ADAM18: variants seen among roughly 807,000 people sequenced by gnomAD.
ADAM18 encodes the protein ADAM metallopeptidase domain 18.
In ADAM18, 117 loss-of-function variants were observed where a neutral mutation model predicts 94.4. The ratio of observed to expected loss-of-function variants is 1.24; its 90% CI spans 1.07 to 1.45. The LOEUF is 1.45. ADAM18 is among the 40% of genes most tolerant of loss of function. The probability of loss-of-function intolerance (pLI) is 0.00; values close to 1 mark genes in which losing one functional copy is unlikely to be tolerated. For missense variants in ADAM18, 936 were observed against 880.0 expected (o/e 1.06, Z -0.81); for synonymous variants, 327 against 291.6 (o/e 1.12, Z -1.24).
chr8:39,681,813 A>G (rs1821468306), intron 16 of ADAM18, among the ~76,000 whole-genome samples: 1 of 152,194 alleles, frequency 6.6e-6, no homozygotes, highest in South Asian at 2.1e-4. Flanking sequence ...AAAGCTTAGC[A>G]TATTGTCTTC....
At chr8:39,615,853 A>G (rs1819423725) in intron 6 of ADAM18, among the ~76,000 whole-genome samples, 1 of 152,222 alleles carries the variant, frequency 6.6e-6, no homozygotes, top group African/African-American at 2.4e-5. Context: ...AAACAACTTC[A>G]GCAAAGTTTC....
chr8:39,600,312 G>T (rs1433836529), intron 2 of ADAM18, among the ~76,000 whole-genome samples: 1 of 152,148 alleles, frequency 6.6e-6, no homozygotes, highest in African/African-American at 2.4e-5. Flanking sequence ...ATATTTAGAA[G>T]TGAGTTATTT....
rs74915414 is a variant in ADAM18, at chr8:39,672,187, A to G, written c.1525+3991A>G. Among the ~76,000 whole-genome samples, 651 of 152,324 alleles carry G rather than the reference A, an allele frequency of 4.3e-3. 7 individuals carry two copies. The highest frequency in any genetic ancestry group is 0.018 in the South Asian group (88 of 4,826). The stretch of plus-strand genomic sequence containing the variant: ...GAATACTGTAATCTATGTACTGTGT[A>G]TTTAAGGCCAAATGATTTGGCCAAA... On this transcript the variant is annotated intron_variant, in intron 14 of 19. Coordinates refer to ENST00000265707, the MANE Select transcript of ADAM18 (RefSeq NM_014237.3).
At chr8:39,705,133 G>A (rs535345769) in intron 17 of ADAM18, among the ~76,000 whole-genome samples, 2 of 152,200 alleles carry the variant, frequency 1.3e-5, no homozygotes, top group East Asian at 3.9e-4. Flanking sequence ...AGTCTTATCA[G>A]GGAAGAGTCT....
In ADAM18 at chr8:39,632,867, C is replaced by G. The variant is rs77592525; in HGVS notation, c.588+3428C>G. Reference sequence around the variant, plus strand: ...TAGGGAAGTTGAGATTTTCTTTAAACTTGTTTTACTTTCTACAAGTTAGAT... The same window carrying G: ...TAGGGAAGTTGAGATTTTCTTTAAAGTTGTTTTACTTTCTACAAGTTAGAT... On this transcript the variant is annotated intron_variant, in intron 7 of 19. Transcript: ENST00000265707. 2.8e-4 allele frequency among the ~76,000 whole-genome samples: 42 copies of G among 152,176 alleles called. No homozygotes were observed. In the East Asian group the frequency reaches 7.5e-3, roughly 27 times the overall value.
At position 39,701,117 on chromosome 8, in the gene ADAM18, C is replaced by CAAAAAAAAAAAA. The variant is rs71237188; in HGVS notation, c.1903-5652_1903-5641dup. On this transcript the variant is annotated intron_variant, in intron 17 of 19. Coordinates refer to ENST00000265707, the MANE Select transcript of ADAM18 (RefSeq NM_014237.3). Reference sequence around the variant, plus strand: ...TGGGCGACAGAGCAAGACTCTGTCTCAAAAAAAAAAAAAAAAAAAAAAAAA... The same window carrying CAAAAAAAAAAAA: ...TGGGCGACAGAGCAAGACTCTGTCTCAAAAAAAAAAAAAAAAAAAAAAAAAAAAAAAAAAAAA... Among the ~76,000 whole-genome samples the CAAAAAAAAAAAA allele has an allele frequency of 2.6e-4, 9 of 34,564 alleles. 2 individuals are homozygous for CAAAAAAAAAAAA. Among genetic ancestry groups the CAAAAAAAAAAAA allele is most frequent in the Admixed American group, 5.8e-4 (1 of 1,728 alleles). The allele number at this position is 34,564 out of a possible 152,430, so 22.7% of individuals were successfully genotyped here.
At chr8:39,661,449 C>T (rs28376739) in intron 12 of ADAM18, among the ~76,000 whole-genome samples, 4,676 of 149,664 alleles carry the variant, frequency 0.031, 259 homozygotes, top group African/African-American at 0.11. Flanking sequence ...GCTGAGATTA[C>T]AGGCGTGAGC....
intron 1 of ADAM18, 138 bp downstream of exon 1, chr8:39,584,815 G>A: frequency 2.9e-6 from 3 of 1,047,572 alleles, no homozygotes; most frequent in Non-Finnish European, 4.3e-6. Context: ...GGTGTGTCAG[G>A]GACACCTTTC....
At chr8:39,654,154 C>CTTTTT (rs1177248372) in intron 12 of ADAM18, among the ~76,000 whole-genome samples, 3 of 139,850 alleles carry the variant, frequency 2.1e-5, no homozygotes, top group Non-Finnish European at 1.5e-5. Context: ...GATTTCATTC[C>CTTTTT]TTTTTTTTTT....
intron 7 of ADAM18, among the ~76,000 whole-genome samples, chr8:39,636,315 C>T (rs1333468112): frequency 1.3e-5 from 2 of 152,080 alleles, no homozygotes; most frequent in African/African-American, 2.4e-5. Context: ...TCTTTATTAA[C>T]CTGATATTTT....
At position 39,664,520 on chromosome 8, in the gene ADAM18, C is replaced by G. The variant is rs1263072560; in HGVS notation, c.1326+630C>G. Among the ~76,000 whole-genome samples, 7 of 152,142 alleles carry G rather than the reference C, an allele frequency of 4.6e-5. No individual in the cohort carries two copies. In the East Asian group the frequency reaches 1.3e-3, roughly 29 times the overall value. ...TTAAAATCACAAAGTTTACCATCTT[C>G]TAAATTATCAGATAAAAGGGAGAAA... On this transcript the variant is annotated intron_variant, in intron 13 of 19. Coordinates refer to ENST00000265707, the MANE Select transcript of ADAM18 (RefSeq NM_014237.3).
intron 2 of ADAM18, among the ~76,000 whole-genome samples, chr8:39,593,121 A>G (rs1189203680): frequency 1.3e-5 from 2 of 151,928 alleles, no homozygotes; most frequent in Admixed American, 1.3e-4. Context: ...CTTTCTTTTC[A>G]TTTTCAGTCT....
intron 9 of ADAM18, among the ~76,000 whole-genome samples, 181 bp from the exon 10 acceptor site, chr8:39,638,284 G>GTATT (rs1404370970): frequency 2.0e-5 from 3 of 151,042 alleles, no homozygotes; most frequent in African/African-American, 7.4e-5. Context: ...AATGATTTTA[G>GTATT]TATTTAGATT....
At chr8:39,690,734 A>T (rs1268297075) in intron 16 of ADAM18, among the ~76,000 whole-genome samples, 4 of 152,168 alleles carry the variant, frequency 2.6e-5, no homozygotes, top group Non-Finnish European at 5.9e-5. Flanking sequence ...GGGTGAAGAG[A>T]AAAGGAAACA....
intron 12 of ADAM18, among the ~76,000 whole-genome samples, chr8:39,654,116 G>T (rs1820618046): frequency 6.7e-6 from 1 of 148,256 alleles, no homozygotes. Flanking sequence ...ATGTCCTCCA[G>T]TTACATCCAT....
chr8:39,606,373 A>T lies in ADAM18; in HGVS notation c.188+11A>T. 6.6e-7 allele frequency: 1 copy of T among 1,512,870 alleles called. No homozygotes were observed. The highest frequency in any genetic ancestry group is 9.0e-7 in the Non-Finnish European group (1 of 1,115,280). 93.7% of individuals were successfully genotyped at this position (1,512,870 alleles called of 1,614,324 possible). On this transcript the variant is annotated intron_variant, in intron 3 of 19. Coordinates refer to ENST00000265707, the MANE Select transcript of ADAM18 (RefSeq NM_014237.3). ...ACATCTCGGAAAACAGTAAGATATG[A>T]TTTTTTTTTCATTAAGGAAAAGGGA...
At chr8:39,596,688 C>T (rs1818749738) in intron 2 of ADAM18, among the ~76,000 whole-genome samples, 1 of 152,070 alleles carries the variant, frequency 6.6e-6, no homozygotes, top group Non-Finnish European at 1.5e-5. Flanking sequence ...TCAGTAAATA[C>T]CAAGGAACAC....
At chr8:39,620,753 C>T (rs1289625212) in intron 6 of ADAM18, among the ~76,000 whole-genome samples, 2 of 151,124 alleles carry the variant, frequency 1.3e-5, no homozygotes, top group East Asian at 1.9e-4. Context: ...TTAAATGAGA[C>T]AAGTCAGACA....
chr8:39,720,431 T>TA (rs1171044887), intron 18 of ADAM18, among the ~76,000 whole-genome samples: 1 of 151,358 alleles, frequency 6.6e-6, no homozygotes, highest in African/African-American at 2.4e-5. Context: ...ATTATGCACT[T>TA]AAAGTGTGGG....
Sources: allele counts gnomAD v4.1 joint callset (sites outside exome capture counted in the v4.1 genomes callset), GRCh38; gene constraint gnomAD v4.1.1; transcripts MANE v1.5; gene names NCBI Gene and HGNC (gene_info 2026-07-23, HGNC 2026-07-21).